Variants in WDR70 observed in about 807,000 individuals in gnomAD.
The protein encoded by WDR70 is WD repeat-containing protein 70.
A neutral mutation model predicts 88.6 loss-of-function variants in WDR70; 53 were observed. That is an observed-to-expected ratio of 0.60 (90% CI 0.48 to 0.75). The LOEUF is 0.75. WDR70 is among the 30% of genes least tolerant of loss of function. The pLI, the probability that WDR70 is intolerant of heterozygous loss-of-function variation, is 0.00. For synonymous variants in WDR70, 280 were observed against 270.0 expected (o/e 1.04, Z -0.36); for missense variants, 610 against 823.2 (o/e 0.74, Z 3.17).
chr5:37,658,919 A>G (rs1016625255), intron 10 of WDR70, among the ~76,000 whole-genome samples: 23 of 152,210 alleles, frequency 1.5e-4, no homozygotes, highest in Admixed American at 1.0e-3. Flanking sequence ...AGGTCCTACT[A>G]GAAGACCATT....
At chr5:37,525,695 G>T (rs567882449) in intron 9 of WDR70, among the ~76,000 whole-genome samples, 1 of 152,190 alleles carries the variant, frequency 6.6e-6, no homozygotes, top group South Asian at 2.1e-4. Flanking sequence ...TCCAGGAGCT[G>T]GTTTTTTGAA....
chr5:37,724,840 TC>T (rs1747925491), intron 15 of WDR70, 93 bp from the exon 16 acceptor site: 17 of 1,170,156 alleles, frequency 1.5e-5, no homozygotes, highest in Non-Finnish European at 2.0e-5. Context: ...CATTATGACT[TC>T]CATTTCATCT....
At chr5:37,724,311 T>G (rs1747907054) in intron 15 of WDR70, 1 of 152,178 alleles carries the variant, frequency 6.6e-6, no homozygotes, top group South Asian at 2.1e-4. Flanking sequence ...CATATTACTT[T>G]GGTTTTTATT....
At chr5:37,741,741 C>T (rs984497251) in intron 17 of WDR70, among the ~76,000 whole-genome samples, 5 of 152,132 alleles carry the variant, frequency 3.3e-5, no homozygotes, top group Non-Finnish European at 4.4e-5. Flanking sequence ...GGTTGGGGAC[C>T]GCCTGCATTA....
At chr5:37,463,776 C>A (rs1207919552) in intron 7 of WDR70, among the ~76,000 whole-genome samples, 1 of 152,220 alleles carries the variant, frequency 6.6e-6, no homozygotes, top group East Asian at 1.9e-4. Flanking sequence ...CCCTTTAATT[C>A]TCCTTAGTAC....
intron 9 of WDR70, among the ~76,000 whole-genome samples, chr5:37,582,963 T>A (rs1323113045): frequency 6.6e-6 from 1 of 152,258 alleles, no homozygotes; most frequent in African/African-American, 2.4e-5. Flanking sequence ...GTGGTTCCAC[T>A]TGCTCTGTTG....
intron 9 of WDR70, among the ~76,000 whole-genome samples, chr5:37,526,789 AG>A (rs1490771174): frequency 2.0e-5 from 3 of 152,236 alleles, no homozygotes; most frequent in African/African-American, 7.2e-5. Flanking sequence ...GCAAAGTCTC[AG>A]GATCCAAAAA....
intron 10 of WDR70, among the ~76,000 whole-genome samples, chr5:37,689,492 A>G (rs1339813863): frequency 1.3e-5 from 2 of 152,202 alleles, no homozygotes; most frequent in East Asian, 1.9e-4. Context: ...TTCCAGAGGA[A>G]GGATCAGGCT....
At position 37,504,708 on chromosome 5, in the gene WDR70, T is replaced by C. The variant is rs144138502; in HGVS notation, c.841-11806T>C. 1.7e-4 allele frequency among the ~76,000 whole-genome samples: 26 copies of C among 152,328 alleles called. No individual in the cohort carries two copies. In the East Asian group the frequency reaches 2.9e-3, roughly 17 times the overall value. On this transcript the variant is annotated intron_variant, in intron 8 of 17. Coordinates refer to ENST00000265107, the MANE Select transcript of WDR70 (RefSeq NM_018034.4). ...CACTATGCATATTTACCCTTTACTG[T>C]TAAGGAAAGCTTTGCATATGTAGAT...
chr5:37,426,916 C>T (rs1008309673), intron 5 of WDR70, among the ~76,000 whole-genome samples: 2 of 151,608 alleles, frequency 1.3e-5, no homozygotes, highest in Non-Finnish European at 1.5e-5. Flanking sequence ...GCTGGGAATA[C>T]GGGTGTGCAC....
At chr5:37,488,267 T>C (rs1336834056) in intron 8 of WDR70, among the ~76,000 whole-genome samples, 2 of 151,888 alleles carry the variant, frequency 1.3e-5, no homozygotes, top group African/African-American at 4.8e-5. Flanking sequence ...CTGACTATAA[T>C]GTGCCACTAA....
chr5:37,753,219 A>C lies in WDR70; in HGVS notation c.*646A>C, dbSNP rs1748861508. 1 of 152,244 alleles carries C rather than the reference A, an allele frequency of 6.6e-6. No individual in the cohort carries two copies. Among genetic ancestry groups the C allele is most frequent in the African/African-American group, 2.4e-5 (1 of 41,458 alleles). The allele number at this position is 152,244 out of a possible 1,614,324, so 9.4% of individuals were successfully genotyped here. ...AGCCTCAGATGATGAAATAGTACGT[A>C]CTTTGCAGGTTCGTCAGAAGAATTA... On this transcript the variant is annotated 3_prime_UTR_variant, in exon 18 of 18. Transcript: ENST00000265107.
intron 8 of WDR70, among the ~76,000 whole-genome samples, chr5:37,495,265 A>G (rs78513080): frequency 0.012 from 1,818 of 151,914 alleles, 37 homozygotes; most frequent in African/African-American, 0.042. Flanking sequence ...ATTCCCTACT[A>G]TTTTCTGCTG....
intron 9 of WDR70, among the ~76,000 whole-genome samples, chr5:37,564,368 AAT>A (rs1488398119): frequency 6.6e-6 from 1 of 152,224 alleles, no homozygotes; most frequent in African/African-American, 2.4e-5. Context: ...CACCAAAAAA[AAT>A]ACGAAAACCA....
At chr5:37,639,709 A>G (rs577931331) in intron 10 of WDR70, among the ~76,000 whole-genome samples, 3 of 152,240 alleles carry the variant, frequency 2.0e-5, no homozygotes, top group African/African-American at 7.2e-5. Context: ...GATGGTGATC[A>G]TAATGACTAA....
chr5:37,475,117 G>A (rs943531617), intron 7 of WDR70, among the ~76,000 whole-genome samples: 7 of 150,938 alleles, frequency 4.6e-5, no homozygotes, highest in South Asian at 2.1e-4. Flanking sequence ...ATGGGGTTTC[G>A]CTATATTGGC....
intron 10 of WDR70, among the ~76,000 whole-genome samples, chr5:37,646,465 C>T (rs575694772): frequency 3.9e-5 from 6 of 152,044 alleles, no homozygotes; most frequent in African/African-American, 9.6e-5. Flanking sequence ...GATTTTGTAC[C>T]TTTTGATGAT....
intron 9 of WDR70, among the ~76,000 whole-genome samples, chr5:37,529,764 A>T (rs1741423337): frequency 6.6e-6 from 1 of 152,122 alleles, no homozygotes; most frequent in African/African-American, 2.4e-5. Context: ...TGATATCATC[A>T]GCAAACAGTG....
chr5:37,461,438 T>C lies in WDR70; in HGVS notation c.686+18066T>C, dbSNP rs115406901. Among the ~76,000 whole-genome samples, 556 of 152,140 alleles carry C rather than the reference T, an allele frequency of 3.7e-3. 3 individuals are homozygous for C. The highest frequency in any genetic ancestry group is 7.7e-3 in the South Asian group (37 of 4,804). ...CTGAGAGTAATCCTTGTGTGTGTGTTGGGGAGTCTCTCCTCTATGTGATGG... is the reference window on the plus strand; with the variant it reads ...CTGAGAGTAATCCTTGTGTGTGTGTCGGGGAGTCTCTCCTCTATGTGATGG... On this transcript the variant is annotated intron_variant, in intron 7 of 17. Coordinates refer to ENST00000265107, the MANE Select transcript of WDR70 (RefSeq NM_018034.4).
Sources: gnomAD v4.1 joint callset for allele counts (sites outside exome capture counted in the v4.1 genomes callset) on GRCh38, gnomAD v4.1.1 for gene constraint, MANE v1.5 for transcripts, NCBI Gene and HGNC (gene_info 2026-07-23, HGNC 2026-07-21) for gene names.